The following KAZN variants were observed in gnomAD, a reference collection of about 807,000 sequenced individuals.
The protein encoded by KAZN is kazrin.
KAZN carries 40 observed loss-of-function variants against 87.4 expected under a neutral mutation model. The observed-to-expected ratio is 0.46, with a 90% CI of 0.36 to 0.60. KAZN has a LOEUF of 0.60. Among genes scored for constraint, KAZN ranks in the 20% least tolerant of loss-of-function variants. KAZN has a pLI of 0.00. For missense variants in KAZN, 898 were observed against 1,073.9 expected, an observed-to-expected ratio of 0.84 and a Z score of 2.29; for synonymous variants, 466 against 458.3, an observed-to-expected ratio of 1.02 and a Z score of -0.22.
chr1:14,561,354 G>C (rs769041382), intron 2 of KAZN, among the ~76,000 whole-genome samples: 1 of 152,236 alleles, frequency 6.6e-6, no homozygotes, highest in Non-Finnish European at 1.5e-5. Context: ...AAGGCATTGA[G>C]GAGGCCTGGG....
At position 14,856,308 on chromosome 1, in the gene KAZN, A is replaced by G. The variant is rs1050224112; in HGVS notation, c.227-104376A>G. Among the ~76,000 whole-genome samples the G allele has an allele frequency of 2.0e-5, 3 of 152,210 alleles. No individual in the cohort carries two copies. Among genetic ancestry groups the G allele is most frequent in the East Asian group, 1.9e-4 (1 of 5,198 alleles). Reference sequence around the variant, plus strand: ...ATATTCCCTGCTTTTATGGGTACCTATGCATTCATGCCTAAGTGTGAGCTT... The same window carrying G: ...ATATTCCCTGCTTTTATGGGTACCTGTGCATTCATGCCTAAGTGTGAGCTT... On this transcript the variant is annotated intron_variant, in intron 1 of 14. Transcript: ENST00000376030. The surrounding 1 kb of genome is among the most constrained non-coding windows in gnomAD (Gnocchi z 5.2).
intron 2 of KAZN, among the ~76,000 whole-genome samples, chr1:14,532,716 A>G (rs1672280026): frequency 6.9e-6 from 1 of 145,268 alleles, no homozygotes; most frequent in Non-Finnish European, 1.5e-5. Flanking sequence ...GAGAACATGC[A>G]GTGTTTGGTT....
rs149610413 is a variant in KAZN at position 14,351,536 on chromosome 1, C to T, written c.249+170944C>T. Among the ~76,000 whole-genome samples the T allele has an allele frequency of 3.1e-3, 465 of 152,170 alleles. 2 individuals carry two copies. The highest frequency in any genetic ancestry group is 0.01 in the African/African-American group (434 of 41,502). On this transcript the variant is annotated intron_variant, in intron 2 of 16. Transcript: ENST00000636203. ...ATTGCACTACTGCACTCCAGCCTGGCGACAGAGCTAGACTCCAGTCTCAAA... is the reference window on the plus strand; with the variant it reads ...ATTGCACTACTGCACTCCAGCCTGGTGACAGAGCTAGACTCCAGTCTCAAA...
chr1:14,792,759 C>T (rs546459707), intron 1 of KAZN, among the ~76,000 whole-genome samples: 2 of 152,228 alleles, frequency 1.3e-5, no homozygotes, highest in African/African-American at 4.8e-5. Flanking sequence ...AGGCAGATCA[C>T]GAGGTCAGGA....
chr1:14,692,159 AT>A, intron 1 of KAZN: 1 of 367,504 alleles, frequency 2.7e-6, no homozygotes, highest in Non-Finnish European at 5.1e-6. Context: ...CTAGTACTAA[AT>A]GTGCTTCTTT....
intron 2 of KAZN, among the ~76,000 whole-genome samples, chr1:14,381,797 T>A (rs189091418): frequency 6.6e-6 from 1 of 152,230 alleles, no homozygotes. Flanking sequence ...ACCACTGTTA[T>A]TCAAAATAGT....
At chr1:14,882,082 A>T (rs2801181) in intron 1 of KAZN, among the ~76,000 whole-genome samples, 39,361 of 152,026 alleles carry the variant, frequency 0.26, 5,834 homozygotes, top group East Asian at 0.58. Flanking sequence ...CTTGCTAGCG[A>T]GTCCCAGGTA....
At position 15,099,925 on chromosome 1, in the gene KAZN, T is replaced by C. The variant is rs111766147; in HGVS notation, c.1548-1618T>C. 1.8e-4 allele frequency among the ~76,000 whole-genome samples: 28 copies of C among 152,218 alleles called. No individual in the cohort carries two copies. Among genetic ancestry groups the C allele is most frequent in the Middle Eastern group, 3.4e-3 (1 of 294 alleles). ...GTGACCGACAGACAAGGACGGGCTA[T>C]CAGCTTGGGAGCTGGGTGACAGAGA... is the stretch of plus-strand genomic sequence containing the variant. On this transcript the variant is annotated intron_variant, in intron 10 of 14. Transcript: ENST00000376030. The surrounding 1 kb of genome is among the most constrained non-coding windows in gnomAD (Gnocchi z 5.4).
chr1:14,737,814 A>G (rs975159751), intron 1 of KAZN, among the ~76,000 whole-genome samples: 2 of 152,196 alleles, frequency 1.3e-5, no homozygotes, highest in African/African-American at 4.8e-5. Flanking sequence ...GGCTGCCTGC[A>G]GTTCCTTGAC....
intron 1 of KAZN, among the ~76,000 whole-genome samples, chr1:14,848,690 G>A (rs1197927317): frequency 2.6e-5 from 4 of 152,128 alleles, no homozygotes; most frequent in Non-Finnish European, 5.9e-5. Context: ...GTTCCATTAG[G>A]CAGCTGCCCG....
rs753209819 is a variant in KAZN, at chr1:15,116,161, G to A, written c.*1526G>A. ...TGCTTACACATCGGGTTATCAAAGCGAGTCACTTGTTGGAACCATGATGCT... is the reference window on the plus strand; with the variant it reads ...TGCTTACACATCGGGTTATCAAAGCAAGTCACTTGTTGGAACCATGATGCT... On this transcript the variant is annotated 3_prime_UTR_variant, in exon 15 of 15. Transcript: ENST00000376030. 2.0e-5 allele frequency: 3 copies of A among 152,194 alleles called. No homozygotes were observed. Among genetic ancestry groups the A allele is most frequent in the Non-Finnish European group, 4.4e-5 (3 of 68,040 alleles). 9.4% of individuals were successfully genotyped at this position (152,194 alleles called of 1,614,324 possible). A position where few individuals can be genotyped will look rare whatever the true frequency, so the allele number is the denominator to read the frequency against.
intron 2 of KAZN, among the ~76,000 whole-genome samples, chr1:14,988,016 C>A (rs989521268): frequency 6.6e-6 from 1 of 152,122 alleles, no homozygotes; most frequent in African/African-American, 2.4e-5. Flanking sequence ...CCTGAGGGTA[C>A]TAGGGAGCCA....
In KAZN at chr1:14,999,442, C is replaced by T. The variant is rs142280405; in HGVS notation, c.419-35307C>T. ...AGGTGCTCACAATGCTCCTTCATTCCTTTTCTCCCTTGCTTCCTCCTACCC... is the reference window on the plus strand; with the variant it reads ...AGGTGCTCACAATGCTCCTTCATTCTTTTTCTCCCTTGCTTCCTCCTACCC... On this transcript the variant is annotated intron_variant, in intron 2 of 14. Coordinates refer to ENST00000376030, the MANE Select transcript of KAZN (RefSeq NM_201628.3). Among the ~76,000 whole-genome samples the T allele has an allele frequency of 4.5e-4, 69 of 152,158 alleles. 2 individuals carry two copies. In the East Asian group the frequency reaches 0.011, roughly 25 times the overall value.
At position 13,903,767 on chromosome 1, in the gene KAZN, C is replaced by T. The variant is rs114792603; in HGVS notation, c.91+10011C>T. Among the ~76,000 whole-genome samples the T allele has an allele frequency of 4.7e-3, 714 of 152,182 alleles. 6 individuals are homozygous for T. Among genetic ancestry groups the T allele is most frequent in the African/African-American group, 0.016 (659 of 41,500 alleles). ...AGAGGAGTGATGGGCAGGAGGAAGA[C>T]GGCCACTGCTGGGGAGAGACTTAAA... On this transcript the variant is annotated intron_variant, in intron 1 of 16. Coordinates refer to the KAZN transcript ENST00000636203.
At chr1:14,477,464 T>TTC (rs1199519230) in intron 2 of KAZN, among the ~76,000 whole-genome samples, 34 of 135,544 alleles carry the variant, frequency 2.5e-4, no homozygotes, top group Non-Finnish European at 4.3e-4. Context: ...CTCTCTCTCT[T>TTC]TCTCTCTCTC....
chr1:15,091,383 C>T (rs762360810), intron 8 of KAZN, among the ~76,000 whole-genome samples: 41 of 152,190 alleles, frequency 2.7e-4, no homozygotes, highest in Non-Finnish European at 4.1e-4. Flanking sequence ...CTTGTTCTGT[C>T]GCCCAGACTG....
chr1:14,213,932 G>A (rs964728339), intron 2 of KAZN, among the ~76,000 whole-genome samples: 1 of 152,198 alleles, frequency 6.6e-6, no homozygotes, highest in African/African-American at 2.4e-5. Context: ...GGACACACAA[G>A]TGTGAAGAGC....
intron 1 of KAZN, among the ~76,000 whole-genome samples, chr1:14,067,794 C>T (rs1643069695): frequency 6.6e-6 from 1 of 152,190 alleles, no homozygotes; most frequent in Admixed American, 6.5e-5. Context: ...ATCCAGGGCA[C>T]CCACGATGTC....
At chr1:14,233,261 A>T (rs1410661875) in intron 2 of KAZN, among the ~76,000 whole-genome samples, 1 of 152,100 alleles carries the variant, frequency 6.6e-6, no homozygotes, top group Non-Finnish European at 1.5e-5. Context: ...CCTCCCAAGT[A>T]GCTGGGGCTA....
Sources: allele counts gnomAD v4.1 joint callset (sites outside exome capture counted in the v4.1 genomes callset), GRCh38; gene constraint gnomAD v4.1.1; non-coding constraint Gnocchi (gnomAD v3.1); transcripts MANE v1.5; gene names NCBI Gene and HGNC (gene_info 2026-07-23, HGNC 2026-07-21).